MINK1: variants seen among roughly 807,000 people sequenced by gnomAD.
MINK1 encodes the protein misshapen like kinase 1.
Under a neutral mutation model 178.4 loss-of-function variants are expected in MINK1, and 46 were observed. That is an observed-to-expected ratio of 0.26 (90% CI 0.20 to 0.33). The LOEUF is 0.33. MINK1 is among the 10% of genes least tolerant of loss of function. The pLI, the probability that MINK1 is intolerant of heterozygous loss-of-function variation, is 1.00. For missense variants in MINK1, 1,366 were observed against 1,814.9 expected (o/e 0.75, Z 4.49); for synonymous variants, 797 against 709.7 (o/e 1.12, Z -1.96).
chr17:4,843,230 A>G (rs1420015672), intron 1 of MINK1, among the ~76,000 whole-genome samples: 1 of 152,158 alleles, frequency 6.6e-6, no homozygotes, highest in Non-Finnish European at 1.5e-5. Context: ...TAATCCCAGC[A>G]CTTTGGGAGG....
chr17:4,865,476 T>C (rs961890686), intron 1 of MINK1, among the ~76,000 whole-genome samples: 2 of 151,822 alleles, frequency 1.3e-5, no homozygotes, highest in Non-Finnish European at 2.9e-5. Flanking sequence ...GACACTGGAC[T>C]AGAGGGGGAA....
chr17:4,880,564 G>A (rs1967601209), intron 2 of MINK1, among the ~76,000 whole-genome samples: 1 of 148,516 alleles, frequency 6.7e-6, no homozygotes, highest in Admixed American at 6.6e-5. Context: ...TGGGATTACA[G>A]GCATGAGCCA....
chr17:4,894,864 G>A lies in MINK1; in HGVS notation c.2918-211G>A. 3.0e-6 allele frequency: 2 copies of A among 660,546 alleles called. No individual in the cohort carries two copies. The highest frequency in any genetic ancestry group is 1.9e-5 in the South Asian group (1 of 51,550). 40.9% of individuals were successfully genotyped at this position (660,546 alleles called of 1,614,324 possible). ...CAGGGGACCTGGGCAAAGACTCAAAGCTAACAAGTGACAGAAATGGGACTT... is the reference window on the plus strand; with the variant it reads ...CAGGGGACCTGGGCAAAGACTCAAAACTAACAAGTGACAGAAATGGGACTT... On this transcript the variant is annotated intron_variant, in intron 24 of 31. Transcript: ENST00000355280. This position sits in a 1 kb window ranked among gnomAD's most constrained non-coding sequence, Gnocchi z 4.1.
At chr17:4,857,914 C>G (rs1913462508) in intron 1 of MINK1, among the ~76,000 whole-genome samples, 1 of 151,980 alleles carries the variant, frequency 6.6e-6, no homozygotes, top group African/African-American at 2.4e-5. Flanking sequence ...ACTTCCAAAT[C>G]TCTGCCAGTA....
intron 1 of MINK1, among the ~76,000 whole-genome samples, chr17:4,874,509 TG>T (rs963502044): frequency 1.3e-5 from 2 of 151,846 alleles, no homozygotes; most frequent in African/African-American, 4.8e-5. Context: ...AAGGAAGACA[TG>T]GGGGAGGCTA....
chr17:4,890,664 G>A lies in MINK1; in HGVS notation c.1495G>A (p.Gly499Arg), dbSNP rs1261284783. 1 of 1,551,480 alleles carries A rather than the reference G, an allele frequency of 6.4e-7. No homozygotes were observed. Among genetic ancestry groups the A allele is most frequent in the Non-Finnish European group, 8.7e-7 (1 of 1,147,252 alleles). The part of the protein sequence containing the change: ...QKQQQQQLLP[G>R]DRKPLYHYGR... ...ACAGCAGCAGCAGCAGCTCCTGCCT[G>A]GGGACAGGAAGCCCCTGTACCATTA... Residue 499 changes from glycine to arginine, a missense_variant, in exon 14 of 32, where the codon GGG becomes AGG. This residue lies in a region of MINK1 where 709 missense variants were observed against 692.3 expected (regional missense o/e 1.02). Transcript: ENST00000355280.
Position 4,892,743 on chromosome 17 carries a change from C to T in MINK1, c.2286C>T (p.Gly762=), listed in dbSNP as rs1421911910. Residue 762 remains glycine (G), a synonymous_variant, in exon 19 of 32, where the codon GGC becomes GGT. Coordinates refer to ENST00000355280, the MANE Select transcript of MINK1 (RefSeq NM_153827.5). ...CTCACGGGCACCTCCCCCAGGCTGG[C>T]TCACTGGAGCGGAACCGCGTGGGAG... ...PASHGHLPQA[G]SLERNRVGVS... 1.2e-6 allele frequency: 2 copies of T among 1,611,320 alleles called. No individual in the cohort carries two copies. The highest frequency in any genetic ancestry group is 1.1e-5 in the South Asian group (1 of 90,864).
chr17:4,886,699 G>T lies in MINK1; in HGVS notation c.949+73G>T. ...TGGCTCCTCTCTGCCAGCCCTGCTC[G>T]CTCCTGGCACCCCTTCCTGCTCCCC... On this transcript the variant is annotated intron_variant, in intron 10 of 31. Coordinates refer to ENST00000355280, the MANE Select transcript of MINK1 (RefSeq NM_153827.5). This position sits in a 1 kb window ranked among gnomAD's most constrained non-coding sequence, Gnocchi z 6.1. The T allele has an allele frequency of 7.0e-7, 1 of 1,421,290 alleles. No individual in the cohort carries two copies. 88.0% of individuals were successfully genotyped at this position (1,421,290 alleles called of 1,614,324 possible). A position where few individuals can be genotyped will look rare whatever the true frequency, so the allele number is the denominator to read the frequency against.
chr17:4,886,358 C>G lies in MINK1; in HGVS notation c.774-93C>G. On this transcript the variant is annotated intron_variant, in intron 9 of 31. Coordinates refer to ENST00000355280, the MANE Select transcript of MINK1 (RefSeq NM_153827.5). This position sits in a 1 kb window ranked among gnomAD's most constrained non-coding sequence, Gnocchi z 6.1. ...TGGGATATGAAGACAGGAGGGACGT[C>G]AAGGTGGCTTGTGGATGAATGATCC... 1 of 1,516,110 alleles carries G rather than the reference C, an allele frequency of 6.6e-7. No individual in the cohort carries two copies. Among genetic ancestry groups the G allele is most frequent in the Non-Finnish European group, 9.1e-7 (1 of 1,104,784 alleles). 93.9% of individuals were successfully genotyped at this position (1,516,110 alleles called of 1,614,324 possible).
chr17:4,866,648 G>A (rs748060955), intron 1 of MINK1, among the ~76,000 whole-genome samples: 1 of 150,578 alleles, frequency 6.6e-6, no homozygotes, highest in Non-Finnish European at 1.5e-5. Context: ...GATGGCACAC[G>A]CCTGTAGTCC....
Position 4,892,219 on chromosome 17 carries a change from A to G in MINK1, c.2072A>G (p.Gln691Arg). Residue 691 changes from glutamine (Q) to arginine (R), a missense_variant, in exon 17 of 32, where the codon CAG (glutamine) becomes CGG (arginine). Gln to Arg is a conservative substitution (Grantham distance 43, BLOSUM62 1). Transcript: ENST00000355280. Reference protein sequence around the residue: ...TSGAGGSRPAQAVRARPRSNS... With the variant: ...TSGAGGSRPARAVRARPRSNS... ...GGGGCCGGAGGGTCCCGGCCAGCCC[A>G]GGCAGTCCGTGCCAGGTAATGCCTG... is the stretch of plus-strand genomic sequence containing the variant. 1 of 1,589,708 alleles carries G rather than the reference A, an allele frequency of 6.3e-7. No individual in the cohort carries two copies. Among genetic ancestry groups the G allele is most frequent in the Non-Finnish European group, 8.6e-7 (1 of 1,168,970 alleles).
intron 1 of MINK1, among the ~76,000 whole-genome samples, chr17:4,867,138 GTTTTTTTTT>G (rs759995957): frequency 1.0e-3 from 65 of 64,906 alleles, no homozygotes; most frequent in African/African-American, 4.1e-3. Context: ...TCTTAGGACT[GTTTTTTTTT>G]TTTTTTTTTT....
intron 4 of MINK1, among the ~76,000 whole-genome samples, chr17:4,883,698 C>CTTT (rs35648380): frequency 8.1e-6 from 1 of 123,048 alleles, no homozygotes; most frequent in Non-Finnish European, 1.7e-5. Context: ...CGCCCGGCTA[C>CTTT]TTTTTTTTTT....
At chr17:4,875,256 C>T (rs889254483) in intron 1 of MINK1, 5 of 504,168 alleles carry the variant, frequency 9.9e-6, no homozygotes, top group African/African-American at 1.9e-5. Flanking sequence ...TTGTTAGCCC[C>T]CTGCACTGCA....
In MINK1 at chr17:4,895,333, A is replaced by G; in HGVS notation, c.3086-17A>G. 6.2e-7 allele frequency: 1 copy of G among 1,603,466 alleles called. No homozygotes were observed. Among genetic ancestry groups the G allele is most frequent in the South Asian group, 1.1e-5 (1 of 89,594 alleles). On this transcript the variant is annotated splice_polypyrimidine_tract_variant and intron_variant, in intron 25 of 31. Transcript: ENST00000355280. This position sits in a 1 kb window ranked among gnomAD's most constrained non-coding sequence, Gnocchi z 4.3. ...GCCTGGCTGAGCCTCTGACCTGCCC[A>G]AGGGCTCCTGTTGCAGGGGTCAACC...
At position 4,891,045 on chromosome 17, in the gene MINK1, C is replaced by T. The variant is rs1416775902; in HGVS notation, c.1661C>T (p.Ala554Val). The T allele has an allele frequency of 1.3e-6, 2 of 1,555,772 alleles. No individual in the cohort carries two copies. Among genetic ancestry groups the T allele is most frequent in the Non-Finnish European group, 1.7e-6 (2 of 1,149,872 alleles). ...STGPEPPIPQ[A>V]SPGPPGPLSQ... is the part of the protein sequence containing the mutation. ...GGGCCTGAGCCCCCCATCCCCCAGG[C>T]CTCCCCAGGGCCCCCAGGACCCCTT... Residue 554 changes from alanine (A) to valine (V), a missense_variant, in exon 15 of 32, where the codon GCC becomes GTC. Physicochemically the swap from Ala to Val is moderately conservative, Grantham distance 64. Around this residue, in one of 14 missense-constraint regions of MINK1, gnomAD observed 709 missense variants for 692.3 expected, o/e 1.02. Coordinates refer to ENST00000355280, the MANE Select transcript of MINK1 (RefSeq NM_153827.5).
At position 4,833,516 on chromosome 17, in the gene MINK1, C is replaced by A; in HGVS notation, c.-68C>A. The A allele has an allele frequency of 7.5e-7, 1 of 1,332,622 alleles. No individual in the cohort carries two copies. Among genetic ancestry groups the A allele is most frequent in the Non-Finnish European group, 1.0e-6 (1 of 987,186 alleles). 82.5% of individuals were successfully genotyped at this position (1,332,622 alleles called of 1,614,324 possible). A position where few individuals can be genotyped will look rare whatever the true frequency, so the allele number is the denominator to read the frequency against. On this transcript the variant is annotated 5_prime_UTR_variant, in exon 1 of 32. Transcript: ENST00000355280. The surrounding 1 kb of genome is among the most constrained non-coding windows in gnomAD (Gnocchi z 4.8). ...GGGTTCTCCGATGGGGGAGAAGCGG[C>A]GACGGCGGCAGTGGAGTAACCGAGC...
At position 4,887,656 on chromosome 17, in the gene MINK1, T is replaced by C; in HGVS notation, c.1096T>C (p.Ser366Pro). The C allele has an allele frequency of 6.4e-7, 1 of 1,568,260 alleles. No homozygotes were observed. ...LRLQQENKSN[S>P]EALKQQQQLQ... ...GCTCCAGCAGGAAAATAAGAGCAAC[T>C]CAGAGGCTTTAAAACAGCAGCAGCA... is the stretch of plus-strand genomic sequence containing the variant. Residue 366 changes from serine (S) to proline (P), a missense_variant, in exon 12 of 32, where the codon TCA (serine) becomes CCA (proline). Physicochemically the swap from Ser to Pro is moderately conservative, Grantham distance 74. Coordinates refer to ENST00000355280, the MANE Select transcript of MINK1 (RefSeq NM_153827.5). The surrounding 1 kb of genome is among the most constrained non-coding windows in gnomAD (Gnocchi z 7.6).
chr17:4,840,070 C>T (rs1909982723), intron 1 of MINK1, among the ~76,000 whole-genome samples: 1 of 151,878 alleles, frequency 6.6e-6, no homozygotes, highest in Non-Finnish European at 1.5e-5. Flanking sequence ...CATATGTTCT[C>T]AGGATCTCCT....
Sources: gnomAD v4.1 joint callset for allele counts (sites outside exome capture counted in the v4.1 genomes callset) on GRCh38, gnomAD v4.1.1 for gene constraint, gnomAD v4.1.1 regional missense constraint, Gnocchi (gnomAD v3.1) non-coding constraint, MANE v1.5 for transcripts, NCBI Gene and HGNC (gene_info 2026-07-23, HGNC 2026-07-21) for gene names.